Variants in SEH1L observed in about 807,000 individuals in gnomAD.
SEH1L encodes the protein nucleoporin SEH1.
SEH1L carries 18 observed loss-of-function variants against 49.5 expected under a neutral mutation model. That is an observed-to-expected ratio of 0.36 (90% confidence interval 0.25 to 0.54). The LOEUF is 0.54. Among genes scored for constraint, SEH1L ranks in the 20% least tolerant of loss-of-function variants. The pLI is 0.87. For synonymous variants in SEH1L, 169 were observed against 178.1 expected, an observed-to-expected ratio of 0.95 and a Z score of 0.41; for missense variants, 404 against 528.8, an observed-to-expected ratio of 0.76 and a Z score of 2.31.
In SEH1L at chr18:12,971,188, G is replaced by A. The variant is rs375144252; in HGVS notation, c.557G>A (p.Ser186Asn). ...CATTCCCCCATGATCGCCGTAGGAA[G>A]TGATGACAGTAGCCCCAACGCAATG... ...RAHSPMIAVG[S>N]DDSSPNAMAK... Residue 186 changes from serine (S) to asparagine (N), a missense_variant, in exon 5 of 9, where the codon AGT (serine) becomes AAT (asparagine). Coordinates refer to ENST00000399892, the MANE Select transcript of SEH1L (RefSeq NM_001013437.2). 58 of 1,613,856 alleles carry A rather than the reference G, an allele frequency of 3.6e-5. No homozygotes were observed. The highest frequency in any genetic ancestry group is 5.0e-5 in the Admixed American group (3 of 59,988).
intron 5 of SEH1L, chr18:12,975,951 G>A (rs550858149): frequency 2.4e-6 from 2 of 826,996 alleles, no homozygotes; most frequent in South Asian, 1.1e-4. Flanking sequence ...GCAAAGAGGA[G>A]TGAATGTGGT....
chr18:12,960,117 T>C (rs1411051865), intron 3 of SEH1L, among the ~76,000 whole-genome samples: 1 of 152,248 alleles, frequency 6.6e-6, no homozygotes, highest in Non-Finnish European at 1.5e-5. Context: ...TGTTAGCAGC[T>C]GGTCACAGTG....
intron 1 of SEH1L, among the ~76,000 whole-genome samples, chr18:12,950,720 G>A (rs945593138): frequency 1.3e-5 from 2 of 152,220 alleles, no homozygotes; most frequent in Non-Finnish European, 2.9e-5. Flanking sequence ...TATACCGCCA[G>A]TGATAGTATT....
rs1418124244 is a variant in SEH1L, at chr18:12,987,101, A to G, written c.*44A>G. On this transcript the variant is annotated 3_prime_UTR_variant, in exon 9 of 9. Coordinates refer to ENST00000399892, the MANE Select transcript of SEH1L (RefSeq NM_001013437.2). ...AAAGGCCTTATTCAAGTGCTTGTAA[A>G]TGCTTTCATTTCTGGCTGCTTTTTG... 2 of 1,349,670 alleles carry G rather than the reference A, an allele frequency of 1.5e-6. No homozygotes were observed. The highest frequency in any genetic ancestry group is 1.5e-5 in the African/African-American group (1 of 67,000). 83.6% of individuals were successfully genotyped at this position (1,349,670 alleles called of 1,614,324 possible).
chr18:12,985,583 G>A, intron 8 of SEH1L: 3 of 1,071,254 alleles, frequency 2.8e-6, no homozygotes, highest in Non-Finnish European at 3.4e-6. Flanking sequence ...TCTTATCTGA[G>A]TAGTTGGGAG....
chr18:12,982,170 C>T (rs1480209248), intron 6 of SEH1L, among the ~76,000 whole-genome samples: 1 of 152,082 alleles, frequency 6.6e-6, no homozygotes, highest in African/African-American at 2.4e-5. Flanking sequence ...CTGGCCTTGC[C>T]CTGCCTTTTT....
intron 2 of SEH1L, among the ~76,000 whole-genome samples, 180 bp downstream of exon 2, chr18:12,952,085 A>G (rs1381573632): frequency 2.0e-5 from 3 of 152,014 alleles, no homozygotes; most frequent in Non-Finnish European, 2.9e-5. Flanking sequence ...AGAGTAAGAA[A>G]ATCTGTAATT....
chr18:12,957,219 G>A (rs1354936323), intron 3 of SEH1L, among the ~76,000 whole-genome samples: 1 of 152,148 alleles, frequency 6.6e-6, no homozygotes, highest in Non-Finnish European at 1.5e-5. Context: ...CCTGAGGTCA[G>A]GAGTTTGAGA....
chr18:12,962,454 CCTTT>C (rs1220703051), intron 3 of SEH1L, among the ~76,000 whole-genome samples: 4 of 118,364 alleles, frequency 3.4e-5, no homozygotes, highest in Admixed American at 2.6e-4. Context: ...AAATTGCATG[CCTTT>C]CTTTTTTTTT....
chr18:12,958,343 C>T (rs904123461), intron 3 of SEH1L, among the ~76,000 whole-genome samples: 8 of 151,982 alleles, frequency 5.3e-5, no homozygotes, highest in African/African-American at 1.9e-4. Context: ...GCCTTGGCCT[C>T]CTGAAGTGCT....
intron 7 of SEH1L, among the ~76,000 whole-genome samples, chr18:12,983,555 C>G (rs1040938039): frequency 8.5e-5 from 13 of 152,160 alleles, no homozygotes; most frequent in African/African-American, 3.1e-4. Flanking sequence ...TTCATTCAAA[C>G]TAATAAGGCC....
At chr18:12,981,152 C>T (rs530946920) in intron 6 of SEH1L, among the ~76,000 whole-genome samples, 159 of 151,940 alleles carry the variant, frequency 1.0e-3, no homozygotes, top group African/African-American at 3.6e-3. Context: ...GATGGGCGGC[C>T]GGGCAGAGAC....
At chr18:12,955,929 T>A (rs2030822818) in intron 3 of SEH1L, among the ~76,000 whole-genome samples, 1 of 152,126 alleles carries the variant, frequency 6.6e-6, no homozygotes, top group African/African-American at 2.4e-5. Context: ...CACTGCAGTC[T>A]CAAACTCCTG....
In SEH1L at chr18:12,975,385, A is replaced by T. The variant is rs78780289; in HGVS notation, c.621-3367A>T. On this transcript the variant is annotated intron_variant, in intron 5 of 8. Coordinates refer to ENST00000399892, the MANE Select transcript of SEH1L (RefSeq NM_001013437.2). ...CATAAGCAGCATGGACTGTACTAAG[A>T]GCTGAAGGAGCTTACAGCGCCTAGG... 2.5e-3 allele frequency among the ~76,000 whole-genome samples: 382 copies of T among 152,094 alleles called. 6 individuals are homozygous for T. The East Asian group carries it at 0.049, about 20-fold the overall frequency.
In SEH1L at chr18:12,984,172, A is replaced by C. The variant is rs1172099779; in HGVS notation, c.1052A>C (p.Asn351Thr). The change falls in exon 8 of 9, where the codon AAT becomes ACT. Residue 351 changes from asparagine to threonine, a missense_variant. Physicochemically the swap from Asn to Thr is moderately conservative, Grantham distance 65. Coordinates refer to ENST00000399892, the MANE Select transcript of SEH1L (RefSeq NM_001013437.2). Reference protein sequence around the residue: ...STIPSLQNSLNGSSAGRYFFT... With the variant: ...STIPSLQNSLTGSSAGRYFFT... Reference sequence around the variant, plus strand: ...ATTCCAAGTCTTCAGAATTCATTAAATGGATCTTCTGCTGGCAGGTAGGCT... The same window carrying C: ...ATTCCAAGTCTTCAGAATTCATTAACTGGATCTTCTGCTGGCAGGTAGGCT... 6 of 1,613,720 alleles carry C rather than the reference A, an allele frequency of 3.7e-6. No homozygotes were observed. Among genetic ancestry groups the C allele is most frequent in the Non-Finnish European group, 5.1e-6 (6 of 1,179,790 alleles).
chr18:12,983,499 T>C (rs2032352306), intron 7 of SEH1L, among the ~76,000 whole-genome samples: 1 of 152,206 alleles, frequency 6.6e-6, no homozygotes, highest in African/African-American at 2.4e-5. Flanking sequence ...CCCAGCAGGG[T>C]GCCTAACTTG....
chr18:12,954,023 A>G (rs1202362453), intron 2 of SEH1L, among the ~76,000 whole-genome samples: 1 of 152,230 alleles, frequency 6.6e-6, no homozygotes, highest in African/African-American at 2.4e-5. Context: ...TTAATTTTAT[A>G]GCCCTGTATA....
intron 3 of SEH1L, among the ~76,000 whole-genome samples, chr18:12,959,721 A>C (rs1158892187): frequency 1.3e-5 from 2 of 152,120 alleles, no homozygotes; most frequent in Non-Finnish European, 2.9e-5. Context: ...TTTGAAGTCT[A>C]GTTTATCTAA....
intron 4 of SEH1L, chr18:12,964,381 T>TA (rs1447974191): frequency 1.3e-5 from 2 of 152,118 alleles, no homozygotes; most frequent in Non-Finnish European, 2.9e-5. Flanking sequence ...ATCTTTTTTT[T>TA]AAAAATTTTT....
Sources: allele counts gnomAD v4.1 joint callset (sites outside exome capture counted in the v4.1 genomes callset), GRCh38; gene constraint gnomAD v4.1.1; transcripts MANE v1.5; gene names NCBI Gene and HGNC (gene_info 2026-07-23, HGNC 2026-07-21).